Variants in FGGY observed in about 807,000 individuals in gnomAD.
The protein encoded by FGGY is FGGY carbohydrate kinase domain containing.
FGGY carries 72 observed loss-of-function variants against 71.3 expected under a neutral mutation model. The ratio of observed to expected loss-of-function variants is 1.01; its 90% CI spans 0.84 to 1.23. The LOEUF is 1.23. FGGY is among the 50% of genes most tolerant of loss of function. The pLI is 0.00. For missense variants in FGGY, 668 were observed against 682.3 expected (o/e 0.98, Z 0.23); for synonymous variants, 251 against 250.3 (o/e 1.00, Z -0.02).
rs149143715 is a variant in FGGY, at chr1:59,543,839, C to T, written c.800-10285C>T. On this transcript the variant is annotated intron_variant, in intron 7 of 15. Transcript: ENST00000303721. The stretch of plus-strand genomic sequence containing the variant: ...GATTATCTGGGGTGCTGATTACTTT[C>T]CCTACCTTCAAGGAGCCTTTGAATA... Among the ~76,000 whole-genome samples the T allele has an allele frequency of 8.2e-3, 1,247 of 152,260 alleles. 15 individuals carry two copies. The highest frequency in any genetic ancestry group is 0.014 in the Non-Finnish European group (925 of 68,018).
intron 5 of FGGY, among the ~76,000 whole-genome samples, chr1:59,437,179 A>G (rs1490912452): frequency 6.6e-6 from 1 of 152,096 alleles, no homozygotes; most frequent in Non-Finnish European, 1.5e-5. Flanking sequence ...TTGTTTCCTG[A>G]GGAGCCCTGT....
At chr1:59,662,520 A>G (rs980583327) in intron 12 of FGGY, among the ~76,000 whole-genome samples, 2 of 152,166 alleles carry the variant, frequency 1.3e-5, no homozygotes, top group Non-Finnish European at 1.5e-5. Flanking sequence ...CCAGCATTCT[A>G]AAACAAAATT....
chr1:59,388,441 C>T (rs1226649631), intron 5 of FGGY, among the ~76,000 whole-genome samples: 1 of 152,112 alleles, frequency 6.6e-6, no homozygotes, highest in Non-Finnish European at 1.5e-5. Context: ...CTCTGTGTCT[C>T]TGGTGCTTCT....
chr1:59,536,562 C>T (rs926068929), intron 7 of FGGY, among the ~76,000 whole-genome samples: 5 of 152,158 alleles, frequency 3.3e-5, no homozygotes, highest in East Asian at 1.9e-4. Flanking sequence ...TTGATGAACA[C>T]TGATGCAAAA....
At chr1:59,592,526 G>C (rs1347178210) in intron 8 of FGGY, among the ~76,000 whole-genome samples, 1 of 152,076 alleles carries the variant, frequency 6.6e-6, no homozygotes, top group Non-Finnish European at 1.5e-5. Flanking sequence ...CAAAGACTTG[G>C]AACCAACCCA....
chr1:59,658,323 G>C (rs937097092), intron 11 of FGGY, among the ~76,000 whole-genome samples: 6 of 152,156 alleles, frequency 3.9e-5, no homozygotes, highest in African/African-American at 1.4e-4. Context: ...ACTTTGTGAA[G>C]GATGTTCTTT....
At chr1:59,644,975 CAAA>C (rs397940421) in intron 11 of FGGY, among the ~76,000 whole-genome samples, 1 of 133,650 alleles carries the variant, frequency 7.5e-6, no homozygotes. Context: ...GGCTCCATCT[CAAA>C]AAAAAAAAAA....
chr1:59,513,207 A>G (rs2094559132), intron 7 of FGGY, among the ~76,000 whole-genome samples: 1 of 152,148 alleles, frequency 6.6e-6, no homozygotes, highest in African/African-American at 2.4e-5. Context: ...TTAAACTATG[A>G]TTTATAATTC....
intron 10 of FGGY, among the ~76,000 whole-genome samples, chr1:59,636,415 A>T (rs1224827050): frequency 6.6e-6 from 1 of 152,020 alleles, no homozygotes; most frequent in African/African-American, 2.4e-5. Context: ...AGGTCAGGAG[A>T]TTGAGACCAT....
At chr1:59,754,085 C>T (rs2098269924) in intron 14 of FGGY, among the ~76,000 whole-genome samples, 1 of 152,194 alleles carries the variant, frequency 6.6e-6, no homozygotes, top group African/African-American at 2.4e-5. Context: ...CACTTTCTCT[C>T]CAACATATTA....
intron 6 of FGGY, among the ~76,000 whole-genome samples, chr1:59,474,381 T>C (rs1269669866): frequency 6.6e-6 from 1 of 152,234 alleles, no homozygotes; most frequent in Non-Finnish European, 1.5e-5. Context: ...GCACTCATTT[T>C]ATAGACAAAA....
In FGGY at chr1:59,543,178, C is replaced by T. The variant is rs138962591; in HGVS notation, c.800-10946C>T. On this transcript the variant is annotated intron_variant, in intron 7 of 15. Transcript: ENST00000303721. The stretch of plus-strand genomic sequence containing the variant: ...GAAACTATGTCAGCCACATGTCATT[C>T]ATTGTGCCACAACCCTGGGCTTTTT... Among the ~76,000 whole-genome samples, 226 of 152,314 alleles carry T rather than the reference C, an allele frequency of 1.5e-3. 1 individual carries two copies. Among genetic ancestry groups the T allele is most frequent in the Admixed American group, 3.7e-3 (57 of 15,304 alleles).
chr1:59,380,445 T>A (rs2059272549), intron 5 of FGGY, among the ~76,000 whole-genome samples: 1 of 151,588 alleles, frequency 6.6e-6, no homozygotes, highest in Non-Finnish European at 1.5e-5. Flanking sequence ...CTCCACATCC[T>A]CTCCGGCACC....
At chr1:59,308,940 T>G (rs2043842062) in intron 1 of FGGY, among the ~76,000 whole-genome samples, 1 of 152,220 alleles carries the variant, frequency 6.6e-6, no homozygotes, top group South Asian at 2.1e-4. Flanking sequence ...AGAAGTCCCC[T>G]ATTAATAATC....
At chr1:59,446,885 G>T (rs1267038801) in intron 5 of FGGY, among the ~76,000 whole-genome samples, 2 of 152,186 alleles carry the variant, frequency 1.3e-5, no homozygotes, top group Non-Finnish European at 2.9e-5. Context: ...ATGCAGCAGT[G>T]CCGGCTTCAT....
intron 14 of FGGY, among the ~76,000 whole-genome samples, chr1:59,695,726 A>G (rs562326488): frequency 6.6e-6 from 1 of 152,330 alleles, no homozygotes; most frequent in South Asian, 2.1e-4. Flanking sequence ...ACTGTGGTCA[A>G]CCAGTGCTGG....
At chr1:59,439,187 T>A (rs541066935) in intron 5 of FGGY, among the ~76,000 whole-genome samples, 1 of 152,314 alleles carries the variant, frequency 6.6e-6, no homozygotes, top group South Asian at 2.1e-4. Flanking sequence ...GGACTGTGTC[T>A]TGTCTCCGTG....
At chr1:59,707,857 G>A (rs932156917) in intron 14 of FGGY, among the ~76,000 whole-genome samples, 1 of 152,166 alleles carries the variant, frequency 6.6e-6, no homozygotes, top group Non-Finnish European at 1.5e-5. Context: ...CCTTCCCAAA[G>A]CCTCTGTTTT....
chr1:59,592,372 T>C (rs1052935236), intron 8 of FGGY, among the ~76,000 whole-genome samples: 6 of 152,084 alleles, frequency 3.9e-5, no homozygotes, highest in African/African-American at 1.4e-4. Context: ...TGGAAGTCAG[T>C]GTGGCAATTC....
Sources: allele counts gnomAD v4.1 joint callset (sites outside exome capture counted in the v4.1 genomes callset), GRCh38; gene constraint gnomAD v4.1.1; transcripts MANE v1.5; gene names NCBI Gene and HGNC (gene_info 2026-07-23, HGNC 2026-07-21).